The following WDR59 variants were observed in gnomAD, a reference collection of about 807,000 sequenced individuals.
WDR59 encodes the protein WD repeat domain 59.
A neutral mutation model predicts 131.2 loss-of-function variants in WDR59; 100 were observed. The ratio of observed to expected loss-of-function variants is 0.76; its 90% CI spans 0.65 to 0.90. The LOEUF is 0.90. Among genes scored for constraint, WDR59 ranks in the 40% least tolerant of loss-of-function variants. The pLI is 0.00. For synonymous variants in WDR59, 601 were observed against 466.2 expected (o/e 1.29, Z -3.72); for missense variants, 1,203 against 1,262.2 (o/e 0.95, Z 0.71).
chr16:74,892,412 G>A (rs1244050750), intron 20 of WDR59, 72 bp downstream of exon 20: 10 of 1,225,572 alleles, frequency 8.2e-6, no homozygotes, highest in African/African-American at 1.5e-5. Flanking sequence ...GTCATTAAAT[G>A]CCAATGACAA....
At chr16:74,942,712 T>G (rs111246999) in intron 7 of WDR59, 26 bp downstream of exon 7, 1 of 1,610,830 alleles carries the variant, frequency 6.2e-7, no homozygotes, top group Non-Finnish European at 8.5e-7. Flanking sequence ...CAAAGACCAA[T>G]AAGGGCGAAA....
intron 17 of WDR59, among the ~76,000 whole-genome samples, chr16:74,905,575 G>A (rs1011398665): frequency 2.0e-5 from 3 of 151,628 alleles, no homozygotes; most frequent in South Asian, 2.1e-4. Flanking sequence ...CCAGCTACTC[G>A]GGAGGCTGAG....
intron 20 of WDR59, among the ~76,000 whole-genome samples, chr16:74,891,984 T>C (rs904378255): frequency 2.0e-5 from 3 of 152,158 alleles, no homozygotes; most frequent in African/African-American, 7.2e-5. Flanking sequence ...AATTGCATGG[T>C]AGATGGGCTA....
intron 21 of WDR59, 50 bp downstream of exon 21, chr16:74,889,653 C>T (rs888821823): frequency 8.0e-6 from 12 of 1,498,348 alleles, no homozygotes; most frequent in Non-Finnish European, 1.0e-5. Flanking sequence ...TGTTTACAGA[C>T]CAAAAATGGA....
At chr16:74,982,407 T>C (rs2034463001) in intron 1 of WDR59, among the ~76,000 whole-genome samples, 1 of 152,176 alleles carries the variant, frequency 6.6e-6, no homozygotes, top group Non-Finnish European at 1.5e-5. Context: ...CAATTTACTT[T>C]GTTCTCTTAC....
intron 22 of WDR59, 84 bp from the exon 23 acceptor site, chr16:74,887,839 C>A: frequency 7.3e-7 from 1 of 1,365,398 alleles, no homozygotes; most frequent in South Asian, 1.2e-5. Flanking sequence ...AACAGCAGGC[C>A]AAGCACGGTG....
At chr16:74,892,411 T>C (rs573960815) in intron 20 of WDR59, 73 bp downstream of exon 20, 1 of 1,220,114 alleles carries the variant, frequency 8.2e-7, no homozygotes, top group South Asian at 1.3e-5. Context: ...TGTCATTAAA[T>C]GCCAATGACA....
chr16:74,961,402 C>T (rs954347095), intron 2 of WDR59, among the ~76,000 whole-genome samples: 2 of 152,198 alleles, frequency 1.3e-5, no homozygotes, highest in Non-Finnish European at 2.9e-5. Context: ...AACTAATTTA[C>T]ATTCCCATCA....
At chr16:74,895,265 T>C (rs377620829) in intron 18 of WDR59, among the ~76,000 whole-genome samples, 4 of 152,150 alleles carry the variant, frequency 2.6e-5, no homozygotes, top group South Asian at 2.1e-4. Context: ...TTGATCTTTT[T>C]ATTTTTTTTT....
chr16:74,883,267 T>C (rs1041315622), intron 25 of WDR59, among the ~76,000 whole-genome samples: 3 of 151,884 alleles, frequency 2.0e-5, no homozygotes, highest in African/African-American at 4.8e-5. Flanking sequence ...TCATGATCCA[T>C]CCACCTCAGC....
rs1191630174 is a variant in WDR59, at chr16:74,891,253, A to T, written c.2082+1231T>A. Among the ~76,000 whole-genome samples the T allele has an allele frequency of 2.0e-5, 3 of 152,346 alleles. No individual in the cohort carries two copies. In the East Asian group the frequency reaches 5.8e-4, roughly 29 times the overall value. ...GAAAGAAGATATGGACTTTGAATCAAGGAGTTTACAATCTAAGGAGAAAGA... is the reference window on the plus strand; with the variant it reads ...GAAAGAAGATATGGACTTTGAATCATGGAGTTTACAATCTAAGGAGAAAGA... On this transcript the variant is annotated intron_variant, in intron 20 of 25. Coordinates refer to ENST00000262144, the MANE Select transcript of WDR59 (RefSeq NM_030581.4).
At chr16:74,964,547 T>C (rs941686169) in intron 2 of WDR59, among the ~76,000 whole-genome samples, 2 of 152,212 alleles carry the variant, frequency 1.3e-5, no homozygotes, top group African/African-American at 4.8e-5. Flanking sequence ...CTGAAATTTT[T>C]ACACGTTTAC....
intron 25 of WDR59, among the ~76,000 whole-genome samples, chr16:74,885,358 G>A (rs1007301873): frequency 3.0e-5 from 4 of 131,460 alleles, no homozygotes; most frequent in African/African-American, 1.0e-4. Context: ...GGCTTAGGGA[G>A]GAGAAGTTAG....
chr16:74,953,324 T>G (rs1403847300), intron 3 of WDR59, among the ~76,000 whole-genome samples: 1 of 151,852 alleles, frequency 6.6e-6, no homozygotes, highest in East Asian at 1.9e-4. Flanking sequence ...AATACAAAAA[T>G]TAGCTGGGCA....
intron 4 of WDR59, 69 bp from the exon 5 acceptor site, chr16:74,949,867 C>G: frequency 2.9e-6 from 4 of 1,388,020 alleles, no homozygotes; most frequent in Non-Finnish European, 4.1e-6. Flanking sequence ...AAAGCACTAG[C>G]ACATCGAGTC....
intron 1 of WDR59, among the ~76,000 whole-genome samples, chr16:74,974,493 G>A (rs531568099): frequency 1.3e-5 from 2 of 152,180 alleles, no homozygotes; most frequent in Non-Finnish European, 2.9e-5. Context: ...CTACAAGGTA[G>A]TATGCAGAAA....
chr16:74,941,765 G>C (rs1478944628), intron 7 of WDR59, among the ~76,000 whole-genome samples: 1 of 151,830 alleles, frequency 6.6e-6, no homozygotes, highest in East Asian at 1.9e-4. Flanking sequence ...AGCTATCTAA[G>C]GCAGAGGGCT....
At chr16:74,974,221 G>A (rs1307742290) in intron 1 of WDR59, among the ~76,000 whole-genome samples, 3 of 152,044 alleles carry the variant, frequency 2.0e-5, no homozygotes, top group Non-Finnish European at 2.9e-5. Context: ...AATGGAAACA[G>A]TCTCACTTTC....
intron 8 of WDR59, among the ~76,000 whole-genome samples, chr16:74,927,044 A>C (rs2030885027): frequency 6.6e-6 from 1 of 152,222 alleles, no homozygotes; most frequent in African/African-American, 2.4e-5. Flanking sequence ...CCCAGCTGTA[A>C]AATCCTGCTT....
Sources: allele counts gnomAD v4.1 joint callset (sites outside exome capture counted in the v4.1 genomes callset), GRCh38; gene constraint gnomAD v4.1.1; transcripts MANE v1.5; gene names NCBI Gene and HGNC (gene_info 2026-07-23, HGNC 2026-07-21).